The following CAMTA1 variants were observed in gnomAD, a reference collection of about 807,000 sequenced individuals.
CAMTA1 encodes calmodulin binding transcription activator 1.
A neutral mutation model predicts 170.9 loss-of-function variants in CAMTA1; 27 were observed. That is an observed-to-expected ratio of 0.16 (90% confidence interval 0.12 to 0.22). The LOEUF (loss-of-function observed/expected upper bound fraction) is 0.22, where lower values mean the gene tolerates loss of function less well. Among genes scored for constraint, CAMTA1 ranks in the 10% least tolerant of loss-of-function variants. CAMTA1 has a pLI of 1.00. For missense variants in CAMTA1, 1,619 were observed against 2,217.2 expected, an observed-to-expected ratio of 0.73 and a Z score of 5.42; for synonymous variants, 833 against 891.5, an observed-to-expected ratio of 0.93 and a Z score of 1.17.
At chr1:6,915,496 GGAAGA>G (rs1468994698) in intron 3 of CAMTA1, among the ~76,000 whole-genome samples, 11 of 152,296 alleles carry the variant, frequency 7.2e-5, no homozygotes, top group African/African-American at 2.6e-4. Flanking sequence ...AAATTTCACA[GGAAGA>G]GAAGAAGCCA....
intron 5 of CAMTA1, among the ~76,000 whole-genome samples, chr1:7,378,822 G>T (rs1359528423): frequency 6.6e-6 from 1 of 152,188 alleles, no homozygotes; most frequent in Non-Finnish European, 1.5e-5. Context: ...GGGCTGGTGG[G>T]GGATGAGGCC....
intron 3 of CAMTA1, among the ~76,000 whole-genome samples, chr1:7,034,984 G>C (rs887616917): frequency 6.6e-6 from 1 of 152,108 alleles, no homozygotes. Flanking sequence ...TTGTAACTCA[G>C]TCACACAAAT....
intron 6 of CAMTA1, among the ~76,000 whole-genome samples, chr1:7,601,344 G>T (rs1293696044): frequency 1.3e-5 from 2 of 151,970 alleles, no homozygotes; most frequent in African/African-American, 2.4e-5. Flanking sequence ...TCCCAGACGG[G>T]GCGGCAGGGC....
At chr1:7,622,090 G>C (rs555861807) in intron 6 of CAMTA1, among the ~76,000 whole-genome samples, 4 of 152,336 alleles carry the variant, frequency 2.6e-5, no homozygotes, top group Non-Finnish European at 4.4e-5. Context: ...TGACCCTGGA[G>C]GTATGGGGGG....
intron 4 of CAMTA1, among the ~76,000 whole-genome samples, chr1:7,124,898 A>G (rs1005508144): frequency 6.6e-6 from 1 of 152,198 alleles, no homozygotes; most frequent in African/African-American, 2.4e-5. Flanking sequence ...GTGGAAGCCT[A>G]GAGAAGTGGG....
At chr1:7,109,947 G>A (rs895756054) in intron 4 of CAMTA1, among the ~76,000 whole-genome samples, 2 of 152,160 alleles carry the variant, frequency 1.3e-5, no homozygotes, top group African/African-American at 2.4e-5. Context: ...TCTTCTGTTT[G>A]GTTTCTTATG....
In CAMTA1 at chr1:7,534,264, G is replaced by C. The variant is rs759967000; in HGVS notation, c.510+66363G>C. 6.6e-6 allele frequency among the ~76,000 whole-genome samples: 1 copy of C among 152,202 alleles called. No homozygotes were observed. The highest frequency in any genetic ancestry group is 6.5e-5 in the Admixed American group (1 of 15,288). On this transcript the variant is annotated intron_variant, in intron 6 of 22. Coordinates refer to ENST00000303635, the MANE Select transcript of CAMTA1 (RefSeq NM_015215.4). The surrounding 1 kb of genome is among the most constrained non-coding windows in gnomAD (Gnocchi z 5.6). ...ACATCATAACGTTCAGCAGAGCCCA[G>C]GCTGGCTGGAGGCCGAGGCTGGGGG... is the stretch of plus-strand genomic sequence containing the variant.
intron 3 of CAMTA1, among the ~76,000 whole-genome samples, chr1:7,021,743 C>G (rs1304616864): frequency 6.6e-6 from 1 of 152,056 alleles, no homozygotes; most frequent in Non-Finnish European, 1.5e-5. Flanking sequence ...ATTTAAAATC[C>G]CCCACTCATT....
intron 5 of CAMTA1, among the ~76,000 whole-genome samples, chr1:7,405,213 G>A (rs1172828096): frequency 2.6e-5 from 4 of 152,030 alleles, no homozygotes; most frequent in Admixed American, 6.5e-5. Flanking sequence ...CAGATATCCC[G>A]GTAGAGGACC....
intron 3 of CAMTA1, among the ~76,000 whole-genome samples, chr1:7,002,558 G>A (rs371326000): frequency 4.6e-5 from 7 of 152,206 alleles, no homozygotes; most frequent in Non-Finnish European, 1.0e-4. Context: ...CTTCATTTAA[G>A]CCATTGATAG....
At chr1:7,449,455 G>A (rs2092760445) in intron 5 of CAMTA1, among the ~76,000 whole-genome samples, 1 of 152,128 alleles carries the variant, frequency 6.6e-6, no homozygotes, top group African/African-American at 2.4e-5. Flanking sequence ...TTTTCCAAGG[G>A]CCTCAGTTAT....
At position 7,041,438 on chromosome 1, in the gene CAMTA1, A is replaced by T. The variant is rs1369404246; in HGVS notation, c.235-49866A>T. Among the ~76,000 whole-genome samples the T allele has an allele frequency of 6.6e-6, 1 of 152,252 alleles. No homozygotes were observed. On this transcript the variant is annotated intron_variant, in intron 3 of 22. Coordinates refer to ENST00000303635, the MANE Select transcript of CAMTA1 (RefSeq NM_015215.4). This position sits in a 1 kb window ranked among gnomAD's most constrained non-coding sequence, Gnocchi z 5.1. ...AGAATCTTTTAACATTTACAGTTTT[A>T]AGTGAAATTCCTGTTGAGAGTCTCT...
chr1:6,929,854 C>T (rs1197575669), intron 3 of CAMTA1, among the ~76,000 whole-genome samples: 3 of 152,182 alleles, frequency 2.0e-5, no homozygotes, highest in Non-Finnish European at 2.9e-5. Flanking sequence ...CCTGCTGTGT[C>T]GTCCCTCTTC....
At position 7,746,194 on chromosome 1, in the gene CAMTA1, C is replaced by T. The variant is rs531615536; in HGVS notation, c.4617+103C>T. 2.7e-5 allele frequency: 38 copies of T among 1,384,632 alleles called. No homozygotes were observed. In the South Asian group the frequency reaches 5.3e-4, roughly 19 times the overall value. 85.8% of individuals were successfully genotyped at this position (1,384,632 alleles called of 1,614,324 possible). A position where few individuals can be genotyped will look rare whatever the true frequency, so the allele number is the denominator to read the frequency against. On this transcript the variant is annotated intron_variant, in intron 18 of 22. Transcript: ENST00000303635. ...AAAAACATTTACTATTTCTTTTTTT[C>T]CTCTGAATTTGTAGAATTTTTTTGG... is the stretch of plus-strand genomic sequence containing the variant.
At chr1:7,594,105 A>AAGAAAGAG (rs2095375471) in intron 6 of CAMTA1, among the ~76,000 whole-genome samples, 1 of 149,264 alleles carries the variant, frequency 6.7e-6, no homozygotes, top group African/African-American at 2.5e-5. Context: ...GGAAAGAAGA[A>AAGAAAGAG]AGAAAGAAAG....
chr1:7,353,535 CTG>C (rs2084860183), intron 5 of CAMTA1, among the ~76,000 whole-genome samples: 1 of 151,682 alleles, frequency 6.6e-6, no homozygotes, highest in African/African-American at 2.4e-5. Context: ...AAGCAATCTC[CTG>C]CCTTAGCCTC....
At chr1:6,902,316 G>T (rs189322245) in intron 3 of CAMTA1, among the ~76,000 whole-genome samples, 11 of 152,294 alleles carry the variant, frequency 7.2e-5, no homozygotes, top group African/African-American at 2.6e-4. Context: ...TTCAAAAGCT[G>T]AAACAACCCA....
At position 7,663,964 on chromosome 1, in the gene CAMTA1, G is replaced by T. The variant is rs2095982077; in HGVS notation, c.1417G>T (p.Gly473Cys). The part of the protein sequence containing the change: ...ELVLSTTLDG[G>C]RKIPETTMNF... ...GGTCCTCTCCACCACCCTCGACGGTGGCCGGAAGATTCCAGAAACCACCAT... is the reference window on the plus strand; with the variant it reads ...GGTCCTCTCCACCACCCTCGACGGTTGCCGGAAGATTCCAGAAACCACCAT... Residue 473 changes from glycine (G) to cysteine (C), a missense_variant, in exon 9 of 23, where the codon GGC (glycine) becomes TGC (cysteine). Gly to Cys is a radical substitution (Grantham distance 159). Around this residue, in one of 8 missense-constraint regions of CAMTA1, gnomAD observed 731 missense variants for 907.6 expected, o/e 0.81. Transcript: ENST00000303635. 1 of 1,613,728 alleles carries T rather than the reference G, an allele frequency of 6.2e-7. No homozygotes were observed. Among genetic ancestry groups the T allele is most frequent in the Admixed American group, 1.7e-5 (1 of 60,002 alleles).
Position 7,205,791 on chromosome 1 carries a change from C to A in CAMTA1, c.303-43700C>A, listed in dbSNP as rs555348992. Among the ~76,000 whole-genome samples the A allele has an allele frequency of 7.9e-5, 12 of 152,254 alleles. No individual in the cohort carries two copies. The South Asian group carries it at 2.5e-3, about 32-fold the overall frequency. The stretch of plus-strand genomic sequence containing the variant: ...ATAGTAAGAAAACCTCTTCCTACAT[C>A]CAGATCAAAAAGAAATTAACCCAAT... On this transcript the variant is annotated intron_variant, in intron 4 of 22. Transcript: ENST00000303635.
Sources: gnomAD v4.1 joint callset for allele counts (sites outside exome capture counted in the v4.1 genomes callset) on GRCh38, gnomAD v4.1.1 for gene constraint, gnomAD v4.1.1 regional missense constraint, Gnocchi (gnomAD v3.1) non-coding constraint, MANE v1.5 for transcripts, NCBI Gene and HGNC (gene_info 2026-07-23, HGNC 2026-07-21) for gene names.